The following NDUFAF6 variants were observed in gnomAD, a reference collection of about 807,000 sequenced individuals.
NDUFAF6 encodes the protein NADH:ubiquinone oxidoreductase complex assembly factor 6.
In NDUFAF6, 45 loss-of-function variants were observed where a neutral mutation model predicts 40.8. That is an observed-to-expected ratio of 1.10 (90% confidence interval 0.87 to 1.42). The LOEUF (loss-of-function observed/expected upper bound fraction) is 1.42. NDUFAF6 is among the 40% of genes most tolerant of loss of function. NDUFAF6 has a pLI of 0.00. For missense variants in NDUFAF6, 435 were observed against 418.5 expected, an observed-to-expected ratio of 1.04 and a Z score of -0.34; for synonymous variants, 185 against 155.9, an observed-to-expected ratio of 1.19 and a Z score of -1.39.
intron 1 of NDUFAF6, among the ~76,000 whole-genome samples, chr8:94,959,517 G>C (rs1316428116): frequency 7.0e-6 from 1 of 142,348 alleles, no homozygotes; most frequent in African/African-American, 2.5e-5. Flanking sequence ...CAATTTTTTT[G>C]TTGTTGCTTT....
At chr8:95,074,211 A>T (rs994896331) in intron 9 of NDUFAF6, among the ~76,000 whole-genome samples, 2 of 151,866 alleles carry the variant, frequency 1.3e-5, no homozygotes, top group Non-Finnish European at 2.9e-5. Flanking sequence ...ATAAGGTTTT[A>T]AAAAGAAGGA....
At chr8:95,085,579 T>C (rs1257390953) in intron 2 of NDUFAF6, 1 of 151,428 alleles carries the variant, frequency 6.6e-6, no homozygotes, top group African/African-American at 2.4e-5. Context: ...TCCTAGCTAC[T>C]CGGGAGGCTT....
Position 95,031,980 on chromosome 8 carries a change from TTC to T in NDUFAF6, c.198-13_198-12del. Reference sequence around the variant, plus strand: ...AAAGTGAAGAGTAACTGTCTTTTTTTTCTGTCTGTTACAGGAAACGGGATTAT... The same window carrying T: ...AAAGTGAAGAGTAACTGTCTTTTTTTTGTCTGTTACAGGAAACGGGATTAT... On this transcript the variant is annotated splice_polypyrimidine_tract_variant and intron_variant, in intron 1 of 8. Transcript: ENST00000396124. The T allele has an allele frequency of 6.2e-7, 1 of 1,607,956 alleles. No homozygotes were observed. The highest frequency in any genetic ancestry group is 8.5e-7 in the Non-Finnish European group (1 of 1,174,340).
chr8:94,908,126 G>A (rs1454831755), intron 1 of NDUFAF6, among the ~76,000 whole-genome samples: 1 of 152,186 alleles, frequency 6.6e-6, no homozygotes, highest in Non-Finnish European at 1.5e-5. Flanking sequence ...ACTTGAGTTT[G>A]CCTGTGTCTC....
intron 9 of NDUFAF6, among the ~76,000 whole-genome samples, chr8:95,064,020 C>T (rs1041783943): frequency 5.3e-5 from 8 of 150,492 alleles, no homozygotes; most frequent in Middle Eastern, 3.4e-3. Context: ...TACACGTGCC[C>T]GCCACCACGC....
intron 1 of NDUFAF6, among the ~76,000 whole-genome samples, chr8:94,936,617 A>C (rs751692169): frequency 1.3e-5 from 2 of 152,148 alleles, no homozygotes; most frequent in Admixed American, 6.5e-5. Flanking sequence ...GCTAGTGGAC[A>C]TGGTCAGGCA....
intron 1 of NDUFAF6, among the ~76,000 whole-genome samples, chr8:94,971,383 A>C (rs570262044): frequency 6.6e-6 from 1 of 152,336 alleles, no homozygotes; most frequent in African/African-American, 2.4e-5. Flanking sequence ...ACTTCCTGCT[A>C]TAAGTGGTTT....
chr8:95,060,945 G>A (rs183221079), downstream of NDUFAF6, among the ~76,000 whole-genome samples: 430 of 152,238 alleles, frequency 2.8e-3, 5 homozygotes, highest in African/African-American at 0.01. Flanking sequence ...ATATGGTGGG[G>A]GAGTGTGGGG....
chr8:94,956,529 C>T (rs1256068429), upstream of NDUFAF6, among the ~76,000 whole-genome samples: 1 of 152,044 alleles, frequency 6.6e-6, no homozygotes, highest in Non-Finnish European at 1.5e-5. Context: ...GGGTCTGGGT[C>T]AGGAGAGAAC....
intron 2 of NDUFAF6, among the ~76,000 whole-genome samples, chr8:95,019,490 T>C (rs1264051538): frequency 6.6e-6 from 1 of 152,222 alleles, no homozygotes; most frequent in Non-Finnish European, 1.5e-5. Flanking sequence ...TGATTTTGTA[T>C]GCATTAAATC....
At chr8:94,946,696 C>CAAAA (rs71273438) in intron 2 of NDUFAF6, among the ~76,000 whole-genome samples, 1,687 of 34,588 alleles carry the variant, frequency 0.049, 323 homozygotes, top group Middle Eastern at 0.077. Context: ...GACCCTGTCT[C>CAAAA]AAAAAAAAAA....
At chr8:95,088,421 A>T (rs945440168) in intron 2 of NDUFAF6, among the ~76,000 whole-genome samples, 1 of 152,076 alleles carries the variant, frequency 6.6e-6, no homozygotes, top group Admixed American at 6.5e-5. Flanking sequence ...ATATTCTTCC[A>T]TTGGGGGCTG....
At chr8:95,053,370 C>T (rs1831661934) in intron 8 of NDUFAF6, among the ~76,000 whole-genome samples, 1 of 152,064 alleles carries the variant, frequency 6.6e-6, no homozygotes, top group Admixed American at 6.5e-5. Context: ...TTCTGTATCA[C>T]CCTGTTTAGT....
chr8:94,901,692 A>G (rs1563693764), intron 1 of NDUFAF6, among the ~76,000 whole-genome samples: 1 of 152,078 alleles, frequency 6.6e-6, no homozygotes, highest in South Asian at 2.1e-4. Context: ...AGTGATTCTC[A>G]TGCCTCAGCC....
intron 1 of NDUFAF6, chr8:94,930,712 C>G (rs1460977762): frequency 3.7e-6 from 6 of 1,614,086 alleles, no homozygotes; most frequent in East Asian, 2.2e-5. Flanking sequence ...TGCCCCATTT[C>G]ATTTTGAGCT....
intron 2 of NDUFAF6, among the ~76,000 whole-genome samples, chr8:94,947,300 A>C (rs1467958062): frequency 1.4e-4 from 18 of 129,708 alleles, no homozygotes; most frequent in East Asian, 4.6e-4. Context: ...AAAAAAAAAA[A>C]CCCGCAAGTT....
chr8:95,098,367 T>C (rs1809536622), upstream of NDUFAF6, among the ~76,000 whole-genome samples: 1 of 151,990 alleles, frequency 6.6e-6, no homozygotes. Context: ...ACCTCGTCTC[T>C]ACTAAAAATG....
At chr8:94,994,197 C>T (rs1826316952) in intron 2 of NDUFAF6, among the ~76,000 whole-genome samples, 1 of 152,080 alleles carries the variant, frequency 6.6e-6, no homozygotes, top group Non-Finnish European at 1.5e-5. Context: ...TAGAAATGAC[C>T]AATGTGTGGT....
chr8:95,095,664 G>C (rs887654538), upstream of NDUFAF6, among the ~76,000 whole-genome samples: 4 of 105,434 alleles, frequency 3.8e-5, no homozygotes. Flanking sequence ...AGATCATTTC[G>C]CTTTTTTTTT....
Sources: allele counts gnomAD v4.1 joint callset (sites outside exome capture counted in the v4.1 genomes callset), GRCh38; gene constraint gnomAD v4.1.1; transcripts MANE v1.5; gene names NCBI Gene and HGNC (gene_info 2026-07-23, HGNC 2026-07-21).